The following COL14A1 variants were observed in gnomAD, a reference collection of about 807,000 sequenced individuals.
COL14A1 encodes collagen alpha-1(XIV) chain.
In COL14A1, 136 loss-of-function variants were observed where a neutral mutation model predicts 230.3. That is an observed-to-expected ratio of 0.59 (90% CI 0.51 to 0.68). COL14A1 has a LOEUF of 0.68. COL14A1 is among the 30% of genes least tolerant of loss of function. COL14A1 has a pLI of 0.00. For missense variants in COL14A1, 1,976 were observed against 2,215.8 expected (o/e 0.89, Z 2.17); for synonymous variants, 792 against 784.1 (o/e 1.01, Z -0.17).
chr8:120,247,169 A>T (rs1167155923), intron 20 of COL14A1, among the ~76,000 whole-genome samples: 1 of 152,236 alleles, frequency 6.6e-6, no homozygotes, highest in African/African-American at 2.4e-5. Flanking sequence ...CACGCCTGTA[A>T]TCCCAGCACT....
At chr8:120,207,155 T>C in intron 10 of COL14A1, 61 bp downstream of exon 10, 1 of 1,369,746 alleles carries the variant, frequency 7.3e-7, no homozygotes, top group Non-Finnish European at 9.9e-7. Flanking sequence ...TCTACAATAG[T>C]GAGAACAAGG....
intron 38 of COL14A1, among the ~76,000 whole-genome samples, chr8:120,314,535 G>A (rs1326663917): frequency 1.3e-5 from 2 of 151,828 alleles, no homozygotes; most frequent in Non-Finnish European, 2.9e-5. Context: ...AAGTCATTTT[G>A]TACCATTGAA....
intron 3 of COL14A1, 47 bp downstream of exon 3, chr8:120,158,293 G>T: frequency 9.3e-7 from 1 of 1,077,154 alleles, no homozygotes; most frequent in East Asian, 2.4e-5. Context: ...AACTTTTCAT[G>T]CATAGGCAAC....
chr8:120,217,498 T>C (rs747394238), intron 14 of COL14A1, among the ~76,000 whole-genome samples: 58 of 152,212 alleles, frequency 3.8e-4, no homozygotes, highest in Non-Finnish European at 7.8e-4. Context: ...ATAAAGCAAG[T>C]GTTTTTATAT....
At chr8:120,359,297 A>G (rs767242255) in intron 45 of COL14A1, among the ~76,000 whole-genome samples, 16 of 151,318 alleles carry the variant, frequency 1.1e-4, no homozygotes, top group Admixed American at 2.6e-4. Context: ...TCATTATTCA[A>G]CTCCCACTTA....
chr8:120,201,870 G>A (rs1245767231), intron 8 of COL14A1, among the ~76,000 whole-genome samples: 4 of 152,178 alleles, frequency 2.6e-5, no homozygotes, highest in Admixed American at 1.3e-4. Context: ...TTTCTGTGCA[G>A]TTGCAACAGT....
intron 22 of COL14A1, among the ~76,000 whole-genome samples, chr8:120,252,572 G>C (rs1381394035): frequency 6.6e-6 from 1 of 152,142 alleles, no homozygotes; most frequent in East Asian, 1.9e-4. Flanking sequence ...TGTTAGTGTG[G>C]CCTTGGGCAA....
intron 40 of COL14A1, among the ~76,000 whole-genome samples, chr8:120,322,424 G>T: frequency 6.6e-6 from 1 of 152,084 alleles, no homozygotes; most frequent in East Asian, 1.9e-4. Context: ...AAGATATGCA[G>T]GCTTGTTACA....
At chr8:120,250,484 C>G in intron 21 of COL14A1, 133 bp from the exon 22 acceptor site, 1 of 952,668 alleles carries the variant, frequency 1.0e-6, no homozygotes, top group Non-Finnish European at 1.6e-6. Context: ...AGATTCAAAC[C>G]TCAACCCTGC....
intron 5 of COL14A1, among the ~76,000 whole-genome samples, chr8:120,177,053 C>A (rs4870721): frequency 2.0e-5 from 3 of 151,908 alleles, no homozygotes; most frequent in African/African-American, 7.3e-5. Context: ...AATGCATAAC[C>A]TTGGGCCTGT....
At chr8:120,135,518 G>T (rs1814680160) in intron 1 of COL14A1, among the ~76,000 whole-genome samples, 1 of 152,132 alleles carries the variant, frequency 6.6e-6, no homozygotes, top group Admixed American at 6.6e-5. Context: ...GCCTGTCTTG[G>T]CCTCCCAAAG....
chr8:120,312,352 A>G (rs935208275), intron 37 of COL14A1, among the ~76,000 whole-genome samples: 7 of 152,114 alleles, frequency 4.6e-5, no homozygotes, highest in South Asian at 2.1e-4. Context: ...TGGGAGTCCT[A>G]TGAAAATTCT....
chr8:120,246,214 T>C lies in COL14A1; in HGVS notation c.2480-1399T>C, dbSNP rs140129293. 5.0e-3 allele frequency among the ~76,000 whole-genome samples: 761 copies of C among 152,226 alleles called. 3 individuals are homozygous for C. The highest frequency in any genetic ancestry group is 0.018 in the African/African-American group (729 of 41,542). On this transcript the variant is annotated intron_variant, in intron 20 of 47. Coordinates refer to ENST00000297848, the MANE Select transcript of COL14A1 (RefSeq NM_021110.4). ...CCTCATTTAACAGTGCTGGCATCTCTCCCTCCTCCCGTGCTTATGCCGTGT... is the reference window on the plus strand; with the variant it reads ...CCTCATTTAACAGTGCTGGCATCTCCCCCTCCTCCCGTGCTTATGCCGTGT...
At chr8:120,342,922 G>A (rs1235158560) in intron 44 of COL14A1, among the ~76,000 whole-genome samples, 1 of 152,100 alleles carries the variant, frequency 6.6e-6, no homozygotes, top group Non-Finnish European at 1.5e-5. Context: ...CTAGCCTAAG[G>A]TCTTCTCATT....
chr8:120,132,813 A>T (rs956731935), intron 1 of COL14A1, among the ~76,000 whole-genome samples: 3 of 152,168 alleles, frequency 2.0e-5, no homozygotes, highest in Admixed American at 2.0e-4. Context: ...TTAGACACAA[A>T]CATGTTGAAA....
chr8:120,350,186 T>G (rs549016784), intron 45 of COL14A1, among the ~76,000 whole-genome samples: 1 of 152,122 alleles, frequency 6.6e-6, no homozygotes, highest in Non-Finnish European at 1.5e-5. Context: ...AAGCAAATGC[T>G]GAGAGATTTT....
intron 5 of COL14A1, among the ~76,000 whole-genome samples, chr8:120,194,938 G>A (rs142337077): frequency 2.3e-3 from 347 of 152,228 alleles, no homozygotes; most frequent in African/African-American, 7.9e-3. Flanking sequence ...TCTTAGTGTG[G>A]TACAGTAGGG....
chr8:120,204,131 T>C (rs1817350522), intron 9 of COL14A1, among the ~76,000 whole-genome samples: 1 of 152,212 alleles, frequency 6.6e-6, no homozygotes, highest in Admixed American at 6.5e-5. Flanking sequence ...AATTTTAAGA[T>C]AGTTATACAT....
chr8:120,253,833 A>T (rs1020177500), intron 22 of COL14A1, among the ~76,000 whole-genome samples: 6 of 152,170 alleles, frequency 3.9e-5, no homozygotes, highest in Non-Finnish European at 7.4e-5. Flanking sequence ...CTGAGGCAGG[A>T]GAATCGCCTG....
Sources: gnomAD v4.1 joint callset for allele counts (sites outside exome capture counted in the v4.1 genomes callset) on GRCh38, gnomAD v4.1.1 for gene constraint, MANE v1.5 for transcripts, NCBI Gene and HGNC (gene_info 2026-07-23, HGNC 2026-07-21) for gene names.